Variants in USP40 observed in about 807,000 individuals in gnomAD.
The protein encoded by USP40 is ubiquitin carboxyl-terminal hydrolase 40.
USP40 carries 143 observed loss-of-function variants against 166.2 expected under a neutral mutation model. That is an observed-to-expected ratio of 0.86 (90% CI 0.75 to 0.99). The LOEUF (loss-of-function observed/expected upper bound fraction) is 0.99, where lower values mean the gene tolerates loss of function less well. USP40 is among the 50% of genes least tolerant of loss of function. The pLI is 0.00. For missense variants in USP40, 1,444 were observed against 1,479.7 expected, an observed-to-expected ratio of 0.98 and a Z score of 0.40; for synonymous variants, 498 against 524.0, an observed-to-expected ratio of 0.95 and a Z score of 0.68.
intron 16 of USP40, among the ~76,000 whole-genome samples, chr2:233,521,336 C>A (rs187375353): frequency 6.6e-6 from 1 of 152,260 alleles, no homozygotes; most frequent in African/African-American, 2.4e-5. Flanking sequence ...TAATTTGTTG[C>A]CACATTTTTC....
intron 7 of USP40, 38 bp downstream of exon 7, chr2:233,551,338 G>C (rs2070536211): frequency 6.4e-7 from 1 of 1,560,810 alleles, no homozygotes; most frequent in African/African-American, 1.4e-5. Flanking sequence ...AATCTTGAGA[G>C]GGGAAAAGAA....
intron 10 of USP40, 58 bp downstream of exon 10, chr2:233,540,604 T>TA (rs1287025069): frequency 9.5e-7 from 1 of 1,047,306 alleles, no homozygotes; most frequent in Non-Finnish European, 1.4e-6. Context: ...TTCATGTTGT[T>TA]GCGATCATAA....
At chr2:233,553,995 A>G (rs1274466069) in intron 6 of USP40, among the ~76,000 whole-genome samples, 2 of 152,240 alleles carry the variant, frequency 1.3e-5, no homozygotes, top group Non-Finnish European at 2.9e-5. Flanking sequence ...TGTCAAGATT[A>G]TAAAATAACT....
At chr2:233,557,079 A>C (rs555521814) in intron 4 of USP40, 60 bp from the exon 5 acceptor site, 1 of 1,436,146 alleles carries the variant, frequency 7.0e-7, no homozygotes, top group South Asian at 1.3e-5. Flanking sequence ...AAACATTAAA[A>C]AAACAAACAT....
In USP40 at chr2:233,529,796, T is replaced by TTTTTGC. The variant is rs1262760141; in HGVS notation, c.1472-285_1472-284insGCAAAA. 3.1e-3 allele frequency among the ~76,000 whole-genome samples: 416 copies of TTTTTGC among 132,302 alleles called. 3 individuals are homozygous for TTTTTGC. Among genetic ancestry groups the TTTTTGC allele is most frequent in the African/African-American group, 0.011 (395 of 34,452 alleles). The allele number at this position is 132,302 out of a possible 152,430, so 86.8% of individuals were successfully genotyped here. The stretch of plus-strand genomic sequence containing the variant: ...AAGAACACCCAGATTTTCATCTTTT[T>TTTTTGC]TTTTTCTTTTTCTTTTTCTTTTTTT... On this transcript the variant is annotated intron_variant, in intron 11 of 31. Coordinates refer to ENST00000678225, the MANE Select transcript of USP40 (RefSeq NM_001365479.2).
chr2:233,484,307 A>G (rs375967403), intron 30 of USP40, among the ~76,000 whole-genome samples: 1 of 152,136 alleles, frequency 6.6e-6, no homozygotes, highest in East Asian at 1.9e-4. Context: ...TACCTTTACT[A>G]TTGTGAGGTT....
chr2:233,537,555 T>C (rs535177425), intron 10 of USP40, among the ~76,000 whole-genome samples: 1 of 151,954 alleles, frequency 6.6e-6, no homozygotes, highest in Non-Finnish European at 1.5e-5. Flanking sequence ...AAAGAAAATC[T>C]TAAAAGTAGA....
At position 233,525,504 on chromosome 2, in the gene USP40, C is replaced by T. The variant is rs190323051; in HGVS notation, c.1784G>A (p.Gly595Glu). The change falls in exon 14 of 32, where the codon GGA becomes GAA. Residue 595 changes from glycine to glutamate, a missense_variant. Gly to Glu is a moderately conservative substitution (Grantham distance 98, BLOSUM62 -2). Coordinates refer to ENST00000678225, the MANE Select transcript of USP40 (RefSeq NM_001365479.2). ...VLSVAKLVPA[G>E]LHIYQSLGGD... ...GCCAAGTGACTGGTAAATGTGAAGT[C>T]CTGCTGGTACAAGCTTTGCAACACT... 6.1e-5 allele frequency: 99 copies of T among 1,612,920 alleles called. No homozygotes were observed. In the East Asian group the frequency reaches 1.9e-3, roughly 31 times the overall value.
chr2:233,501,220 T>TA lies in USP40; in HGVS notation c.2614-1306dup, dbSNP rs2066053908. On this transcript the variant is annotated intron_variant, in intron 21 of 31. Coordinates refer to ENST00000678225, the MANE Select transcript of USP40 (RefSeq NM_001365479.2). ...TTAATTGTGTTTTAGGAAGGGGAAA[T>TA]AGAGAGCATAAAAGCCTTATTTCAG... is the stretch of plus-strand genomic sequence containing the variant. 2.0e-5 allele frequency among the ~76,000 whole-genome samples: 3 copies of TA among 152,036 alleles called. No individual in the cohort carries two copies. In the South Asian group the frequency reaches 6.2e-4, roughly 32 times the overall value.
At chr2:233,494,956 TTATA>T (rs71058559) in intron 24 of USP40, among the ~76,000 whole-genome samples, 915 of 35,196 alleles carry the variant, frequency 0.026, 13 homozygotes, top group Middle Eastern at 0.083. Flanking sequence ...ATATATATAT[TTATA>T]TATATATATA....
At chr2:233,498,345 G>C (rs1202901463) in intron 23 of USP40, among the ~76,000 whole-genome samples, 3 of 152,180 alleles carry the variant, frequency 2.0e-5, no homozygotes, top group African/African-American at 7.2e-5. Context: ...GTTTACCACA[G>C]ATGTCAGAAA....
At position 233,489,365 on chromosome 2, in the gene USP40, C is replaced by T; in HGVS notation, c.3131G>A (p.Arg1044Lys). ...RLLRTDRQPL[R>K]EYKLGRRIEI... is the part of the protein sequence containing the mutation. Reference sequence around the variant, plus strand: ...GTGTTGCGTCCAGCAAGGAACCTACCTGAGTGGCTGCCGGTCAGTTCGTAA... The same window carrying T: ...GTGTTGCGTCCAGCAAGGAACCTACTTGAGTGGCTGCCGGTCAGTTCGTAA... Residue 1044 changes from arginine (R) to lysine (K), a missense_variant and splice_region_variant, in exon 27 of 32, where the codon AGG (arginine) becomes AAG (lysine). Arg to Lys is a conservative substitution (Grantham distance 26). Transcript: ENST00000678225. 6.3e-7 allele frequency: 1 copy of T among 1,584,760 alleles called. No homozygotes were observed. The highest frequency in any genetic ancestry group is 8.6e-7 in the Non-Finnish European group (1 of 1,165,382).
chr2:233,508,568 T>C lies in USP40; in HGVS notation c.2613+1481A>G, dbSNP rs375020351. On this transcript the variant is annotated intron_variant, in intron 21 of 31. Transcript: ENST00000678225. Reference sequence around the variant, plus strand: ...ATGGGTATTGTTCTGAATTTCTATGTTGTCTGAGTGTTGCTCTTTTTTGGG... The same window carrying C: ...ATGGGTATTGTTCTGAATTTCTATGCTGTCTGAGTGTTGCTCTTTTTTGGG... Among the ~76,000 whole-genome samples, 7 of 152,334 alleles carry C rather than the reference T, an allele frequency of 4.6e-5. No individual in the cohort carries two copies. In the East Asian group the frequency reaches 1.2e-3, roughly 25 times the overall value.
intron 12 of USP40, among the ~76,000 whole-genome samples, chr2:233,529,048 C>T (rs1457864637): frequency 6.6e-6 from 1 of 152,188 alleles, no homozygotes; most frequent in East Asian, 1.9e-4. Flanking sequence ...TCACTACATG[C>T]CAGTTCGCTA....
intron 18 of USP40, among the ~76,000 whole-genome samples, chr2:233,516,666 T>C (rs1202053758): frequency 6.8e-6 from 1 of 147,238 alleles, no homozygotes; most frequent in East Asian, 2.0e-4. Context: ...CTAGCCTGGG[T>C]GACAGAGCGA....
chr2:233,518,251 TAAAAAAAAA>T (rs1156279626), intron 18 of USP40, among the ~76,000 whole-genome samples: 2 of 49,798 alleles, frequency 4.0e-5, no homozygotes, highest in African/African-American at 1.8e-4. Flanking sequence ...TAACAGATTC[TAAAAAAAAA>T]AAAAAAAAAA....
intron 16 of USP40, among the ~76,000 whole-genome samples, chr2:233,521,884 G>A (rs528594037): frequency 5.3e-4 from 80 of 152,288 alleles, no homozygotes; most frequent in African/African-American, 1.7e-3. Flanking sequence ...GACAATGACC[G>A]TAATATATTA....
At chr2:233,506,441 A>G (rs1318259205) in intron 21 of USP40, among the ~76,000 whole-genome samples, 1 of 152,222 alleles carries the variant, frequency 6.6e-6, no homozygotes. Flanking sequence ...GGATTAGGCA[A>G]GAATTTTTAA....
intron 26 of USP40, chr2:233,489,711 G>A: frequency 2.2e-6 from 1 of 456,910 alleles, no homozygotes; most frequent in South Asian, 3.4e-5. Flanking sequence ...TGAGAAAGAA[G>A]TGAGTTCCCT....
Sources: gnomAD v4.1 joint callset for allele counts (sites outside exome capture counted in the v4.1 genomes callset) on GRCh38, gnomAD v4.1.1 for gene constraint, MANE v1.5 for transcripts, NCBI Gene and HGNC (gene_info 2026-07-23, HGNC 2026-07-21) for gene names.